The following C12orf57 variants were observed in gnomAD, a reference collection of about 807,000 sequenced individuals.
C12orf57 encodes chromosome 12 open reading frame 57.
A neutral mutation model predicts 11.3 loss-of-function variants in C12orf57; 14 were observed. The observed-to-expected ratio is 1.24, with a 90% CI of 0.82 to 1.94. The LOEUF (loss-of-function observed/expected upper bound fraction) is 1.94, where lower values mean the gene tolerates loss of function less well. Ranked by LOEUF, C12orf57 falls within the 30% of genes most tolerant of loss-of-function variation. The probability of loss-of-function intolerance (pLI) is 0.00; values close to 1 mark genes in which losing one functional copy is unlikely to be tolerated. For synonymous variants in C12orf57, 100 were observed against 74.6 expected (o/e 1.34, Z -1.76); for missense variants, 229 against 172.4 (o/e 1.33, Z -1.84).
At chr12:6,945,648 C>T in intron 2 of C12orf57, 123 bp from the exon 3 acceptor site, 3 of 1,017,474 alleles carry the variant, frequency 2.9e-6, no homozygotes, top group Admixed American at 2.0e-5. Flanking sequence ...TGCATGCGTC[C>T]TGTTTGGCAA....
chr12:6,944,344 C>T (rs1478438988), intron 1 of C12orf57, 132 bp from the exon 2 acceptor site: 5 of 1,556,276 alleles, frequency 3.2e-6, no homozygotes, highest in African/African-American at 1.4e-5. Flanking sequence ...GGGGCGCTTG[C>T]CCCCAAGACT....
upstream of C12orf57, chr12:6,943,854 T>G (rs888089166): frequency 3.3e-6 from 3 of 922,376 alleles, no homozygotes; most frequent in East Asian, 3.1e-5. Context: ...TAGTAGGCTT[T>G]CTGGCTTTTT....
intron 1 of C12orf57, 142 bp from the exon 2 acceptor site, chr12:6,944,334 G>T: frequency 6.4e-7 from 1 of 1,563,106 alleles, no homozygotes; most frequent in Non-Finnish European, 8.7e-7. Context: ...CCTTCTAAGT[G>T]GGGCGCTTGC....
At chr12:6,943,844 T>G (rs185860337), upstream of C12orf57, 4 of 891,434 alleles carry the variant, frequency 4.5e-6, no homozygotes, top group East Asian at 3.3e-5. Flanking sequence ...AGAATTTGTC[T>G]AGTAGGCTTT....
chr12:6,944,942 T>A (rs907267856), intron 2 of C12orf57: 1 of 1,180,102 alleles, frequency 8.5e-7, no homozygotes, highest in Non-Finnish European at 1.1e-6. Flanking sequence ...ATGGATATCT[T>A]GGGGGATGGG....
At chr12:6,943,648 AAATG>A (rs1320853451), upstream of C12orf57, 12 of 1,288,076 alleles carry the variant, frequency 9.3e-6, no homozygotes, top group South Asian at 3.7e-5. Context: ...CGAACTCTAG[AAATG>A]AATGACTTAA....
rs1283565929 is a variant in C12orf57 at position 6,945,806 on chromosome 12, G to T, written c.265G>T (p.Glu89Ter). 3 of 1,613,636 alleles carry T rather than the reference G, an allele frequency of 1.9e-6. No individual in the cohort carries two copies. The highest frequency in any genetic ancestry group is 2.5e-6 in the Non-Finnish European group (3 of 1,179,892). Residue 89 changes from glutamate to a stop codon, truncating the protein, a stop_gained, in exon 3 of 3, where the codon GAA (glutamate) becomes TAA (stop). Coordinates refer to ENST00000229281, the MANE Select transcript of C12orf57 (RefSeq NM_138425.4). LOFTEE classifies it high-confidence loss of function. ...LKFARLVKSY[E>*]AQDPEIASLS... ...GTTTGCTCGCTTGGTCAAGTCCTAC[G>T]AAGCCCAGGATCCTGAGATCGCCAG...
upstream of C12orf57, chr12:6,943,819 T>G (rs781784492): frequency 1.3e-4 from 113 of 848,868 alleles, no homozygotes; most frequent in Middle Eastern, 3.9e-4. Flanking sequence ...TACGCAGCAG[T>G]GTTACAGCTC....
chr12:6,944,266 G>A (rs1945731769), intron 1 of C12orf57, 93 bp downstream of exon 1: 1 of 1,607,886 alleles, frequency 6.2e-7, no homozygotes, highest in Non-Finnish European at 8.5e-7. Flanking sequence ...GGAGGATGTG[G>A]GGCGACAAAC....
chr12:6,943,981 G>T, upstream of C12orf57: 1 of 1,576,026 alleles, frequency 6.3e-7, no homozygotes, highest in Non-Finnish European at 8.5e-7. Flanking sequence ...ATGAAGGTTT[G>T]GGCCACGCCT....
intron 1 of C12orf57, 82 bp downstream of exon 1, chr12:6,944,255 C>A: frequency 3.1e-6 from 5 of 1,609,070 alleles, no homozygotes; most frequent in Non-Finnish European, 4.2e-6. Flanking sequence ...AGGATGCGGG[C>A]GGAGGATGTG....
At chr12:6,943,779 C>T (rs782756122), upstream of C12orf57, 17 of 968,026 alleles carry the variant, frequency 1.8e-5, no homozygotes, top group South Asian at 2.2e-4. Context: ...TTGTGGAGTT[C>T]CTTTATATCC....
Position 6,944,085 on chromosome 12 carries a change from C to G in C12orf57, c.-37C>G, listed in dbSNP as rs150844090. 2 of 1,614,096 alleles carry G rather than the reference C, an allele frequency of 1.2e-6. No individual in the cohort carries two copies. The highest frequency in any genetic ancestry group is 2.2e-5 in the East Asian group (1 of 44,886). Reference sequence around the variant, plus strand: ...CGTGGCTCTTTATTCGTGAGTTTTCCATTTACCTCCGCTGAACCTAGAGCT... The same window carrying G: ...CGTGGCTCTTTATTCGTGAGTTTTCGATTTACCTCCGCTGAACCTAGAGCT... On this transcript the variant is annotated 5_prime_UTR_variant, in exon 1 of 3. Transcript: ENST00000229281.
intron 2 of C12orf57, 121 bp from the exon 3 acceptor site, chr12:6,945,649 TG>T: frequency 9.6e-7 from 1 of 1,039,048 alleles, no homozygotes; most frequent in South Asian, 1.4e-5. Flanking sequence ...GCATGCGTCC[TG>T]TTTGGCAAAC....
intron 2 of C12orf57, 104 bp from the exon 3 acceptor site, chr12:6,945,667 C>G (rs1384085537): frequency 6.3e-6 from 8 of 1,275,024 alleles, no homozygotes; most frequent in Non-Finnish European, 8.9e-6. Flanking sequence ...AAACAGCTGC[C>G]CAGCCAGTGG....
chr12:6,943,919 G>T (rs782697621), upstream of C12orf57: 460 of 1,273,356 alleles, frequency 3.6e-4, 1 homozygote, highest in African/African-American at 6.1e-3. Context: ...TTTTCACTGT[G>T]CAAAAATTAT....
At chr12:6,943,453 G>C, upstream of C12orf57, 1 of 1,191,616 alleles carries the variant, frequency 8.4e-7, no homozygotes, top group Non-Finnish European at 1.1e-6. Context: ...AATCGGGCCG[G>C]GCATTAGGCT....
upstream of C12orf57, chr12:6,943,945 T>G (rs1350679573): frequency 2.3e-5 from 33 of 1,452,712 alleles, no homozygotes; most frequent in Middle Eastern, 4.2e-4. Context: ...GTTTTGGTGG[T>G]CTTGATGCAG....
chr12:6,943,480 G>A, upstream of C12orf57: 1 of 1,266,982 alleles, frequency 7.9e-7, no homozygotes, highest in Non-Finnish European at 1.0e-6. Context: ...CTCATCAATA[G>A]ACAAGGCCTT....
Sources: allele counts gnomAD v4.1 joint callset, GRCh38; gene constraint gnomAD v4.1.1; transcripts MANE v1.5; gene names NCBI Gene and HGNC (gene_info 2026-07-23, HGNC 2026-07-21).